SOCS5: variants seen among roughly 807,000 people sequenced by gnomAD.
SOCS5 encodes CIS-6.
In SOCS5, 32 loss-of-function variants were observed where a neutral mutation model predicts 42.8. That is an observed-to-expected ratio of 0.75 (90% CI 0.56 to 1.01). The LOEUF (loss-of-function observed/expected upper bound fraction) is 1.01. Ranked by LOEUF, SOCS5 falls within the 50% of genes least tolerant of loss-of-function variation. The pLI is 0.00. For missense variants in SOCS5, 627 were observed against 653.0 expected, an observed-to-expected ratio of 0.96 and a Z score of 0.43; for synonymous variants, 283 against 229.6, an observed-to-expected ratio of 1.23 and a Z score of -2.10.
At position 46,701,857 on chromosome 2, in the gene SOCS5, G is replaced by C. The variant is rs41439346; in HGVS notation, c.-13+2408G>C. ...TTAAAAGATTTTCAAAATTCAGAAG[G>C]CTTCTATATTTTGAAAGTAAATTAT... On this transcript the variant is annotated intron_variant, in intron 1 of 1. Coordinates refer to ENST00000394861, the MANE Select transcript of SOCS5 (RefSeq NM_144949.3). Among the ~76,000 whole-genome samples, 570 of 124,232 alleles carry C rather than the reference G, an allele frequency of 4.6e-3. 5 individuals carry two copies. The highest frequency in any genetic ancestry group is 0.017 in the African/African-American group (534 of 31,964). 81.5% of individuals were successfully genotyped at this position (124,232 alleles called of 152,430 possible).
intron 1 of SOCS5, among the ~76,000 whole-genome samples, chr2:46,704,627 T>C (rs774631310): frequency 1.6e-4 from 24 of 152,216 alleles, no homozygotes; most frequent in Non-Finnish European, 2.8e-4. Context: ...TGGTGGTTCC[T>C]GGCTCAACAC....
intron 1 of SOCS5, among the ~76,000 whole-genome samples, chr2:46,734,551 A>T (rs965346495): frequency 1.3e-5 from 2 of 152,254 alleles, no homozygotes; most frequent in African/African-American, 4.8e-5. Flanking sequence ...TTACCGAAGT[A>T]TACATTTATC....
chr2:46,710,344 A>G (rs371627230), intron 1 of SOCS5, among the ~76,000 whole-genome samples: 2 of 152,192 alleles, frequency 1.3e-5, no homozygotes, highest in African/African-American at 4.8e-5. Context: ...ATGGGGTTTC[A>G]CCACGTTGGT....
intron 1 of SOCS5, among the ~76,000 whole-genome samples, chr2:46,716,529 G>A (rs1257931010): frequency 1.3e-5 from 2 of 151,930 alleles, no homozygotes; most frequent in African/African-American, 4.8e-5. Context: ...CCCAGCTAGA[G>A]TGCAGTGGTG....
At chr2:46,721,106 T>C (rs1572834613) in intron 1 of SOCS5, among the ~76,000 whole-genome samples, 1 of 152,312 alleles carries the variant, frequency 6.6e-6, no homozygotes, top group East Asian at 1.9e-4. Context: ...AAGAGCATTT[T>C]CATGGCAGAG....
intron 1 of SOCS5, among the ~76,000 whole-genome samples, chr2:46,748,837 T>G (rs919887172): frequency 5.9e-5 from 9 of 152,220 alleles, no homozygotes; most frequent in African/African-American, 2.2e-4. Context: ...AAGGAAATGG[T>G]GCAGATTCCA....
At chr2:46,715,633 T>A (rs1672721398) in intron 1 of SOCS5, among the ~76,000 whole-genome samples, 1 of 152,204 alleles carries the variant, frequency 6.6e-6, no homozygotes, top group South Asian at 2.1e-4. Context: ...TTCCACTATC[T>A]TCTTGTTTGT....
intron 1 of SOCS5, among the ~76,000 whole-genome samples, chr2:46,703,411 T>G (rs2103686359): frequency 6.6e-6 from 1 of 152,250 alleles, no homozygotes; most frequent in South Asian, 2.1e-4. Flanking sequence ...CAATTTCTAA[T>G]ATTCTTTTGG....
intron 1 of SOCS5, among the ~76,000 whole-genome samples, chr2:46,756,923 A>T (rs1415525708): frequency 6.6e-6 from 1 of 152,210 alleles, no homozygotes; most frequent in Non-Finnish European, 1.5e-5. Flanking sequence ...AAGACAGAGG[A>T]GGCCGTGTTC....
intron 1 of SOCS5, among the ~76,000 whole-genome samples, chr2:46,726,572 C>T (rs1157769672): frequency 6.6e-6 from 1 of 152,034 alleles, no homozygotes; most frequent in African/African-American, 2.4e-5. Flanking sequence ...CTTTTGATAT[C>T]CCAAAGGTTC....
chr2:46,712,967 C>T (rs972788604), intron 1 of SOCS5, among the ~76,000 whole-genome samples: 2 of 152,012 alleles, frequency 1.3e-5, no homozygotes, highest in African/African-American at 4.8e-5. Context: ...AATTGATGTT[C>T]TTCGTTAAAT....
chr2:46,755,029 G>A (rs1385197411), intron 1 of SOCS5, among the ~76,000 whole-genome samples: 1 of 152,106 alleles, frequency 6.6e-6, no homozygotes, highest in East Asian at 1.9e-4. Context: ...CAGTCTACCT[G>A]TCCCAATTTT....
intron 1 of SOCS5, among the ~76,000 whole-genome samples, chr2:46,744,581 G>A (rs1673457289): frequency 6.6e-6 from 1 of 150,834 alleles, no homozygotes; most frequent in Non-Finnish European, 1.5e-5. Flanking sequence ...AAGCTGGAGT[G>A]CAATGGCACT....
rs1310203007 is a variant in SOCS5 at position 46,759,384 on chromosome 2, A to G, written c.854A>G (p.His285Arg). The G allele has an allele frequency of 3.7e-6, 6 of 1,613,986 alleles. No individual in the cohort carries two copies. Among genetic ancestry groups the G allele is most frequent in the Non-Finnish European group, 5.1e-6 (6 of 1,179,856 alleles). ...GVDPPPNAQIHTFEATAQVNP... is the reference protein window; with the variant it reads ...GVDPPPNAQIRTFEATAQVNP... Reference sequence around the variant, plus strand: ...GATCCCCCTCCCAATGCACAAATACATACATTTGAAGCTACTGCACAGGTT... The same window carrying G: ...GATCCCCCTCCCAATGCACAAATACGTACATTTGAAGCTACTGCACAGGTT... The change falls in exon 2 of 2, where the codon CAT becomes CGT. Residue 285 changes from histidine to arginine, a missense_variant. His to Arg is a conservative substitution (Grantham distance 29). Around this residue, in one of 3 missense-constraint regions of SOCS5, gnomAD observed 340 missense variants for 367.6 expected, o/e 0.92. Transcript: ENST00000394861.
At chr2:46,743,448 A>G (rs4953416) in intron 1 of SOCS5, among the ~76,000 whole-genome samples, 79,072 of 152,016 alleles carry the variant, frequency 0.52, 21,131 homozygotes, top group African/African-American at 0.6. Context: ...TGGCATTTGT[A>G]ACCTGTCATG....
intron 1 of SOCS5, among the ~76,000 whole-genome samples, chr2:46,756,928 G>A (rs1444751937): frequency 2.6e-5 from 4 of 152,180 alleles, no homozygotes; most frequent in African/African-American, 4.8e-5. Context: ...AGAGGAGGCC[G>A]TGTTCTAAAA....
chr2:46,719,237 C>T (rs1373699352), intron 1 of SOCS5, among the ~76,000 whole-genome samples: 2 of 152,076 alleles, frequency 1.3e-5, no homozygotes, highest in African/African-American at 4.8e-5. Flanking sequence ...GATACATGTC[C>T]AATCCTTTTT....
intron 1 of SOCS5, among the ~76,000 whole-genome samples, chr2:46,747,681 T>A (rs1264924908): frequency 6.6e-6 from 1 of 152,160 alleles, no homozygotes; most frequent in Admixed American, 6.5e-5. Flanking sequence ...TATAACCACA[T>A]CCCCAACCCT....
At chr2:46,712,714 G>T (rs1672655046) in intron 1 of SOCS5, among the ~76,000 whole-genome samples, 1 of 152,212 alleles carries the variant, frequency 6.6e-6, no homozygotes, top group African/African-American at 2.4e-5. Flanking sequence ...ATTCTATTAA[G>T]ATGGTGAATT....
Sources: allele counts gnomAD v4.1 joint callset (sites outside exome capture counted in the v4.1 genomes callset), GRCh38; gene constraint gnomAD v4.1.1; regional missense constraint gnomAD v4.1.1; transcripts MANE v1.5; gene names NCBI Gene and HGNC (gene_info 2026-07-23, HGNC 2026-07-21).